DLG2: variants seen among roughly 807,000 people sequenced by gnomAD.
The protein encoded by DLG2 is discs large MAGUK scaffold protein 2.
DLG2 carries 45 observed loss-of-function variants against 132.5 expected under a neutral mutation model. The observed-to-expected ratio is 0.34, with a 90% CI of 0.27 to 0.44. The LOEUF (loss-of-function observed/expected upper bound fraction) is 0.44, where lower values mean the gene tolerates loss of function less well. Ranked by LOEUF, DLG2 falls within the 20% of genes least tolerant of loss-of-function variation. The pLI is 1.00. For synonymous variants in DLG2, 424 were observed against 419.6 expected (o/e 1.01, Z -0.13); for missense variants, 1,045 against 1,196.9 (o/e 0.87, Z 1.87).
chr11:85,495,800 T>C (rs921684133), intron 3 of DLG2, among the ~76,000 whole-genome samples: 2 of 151,968 alleles, frequency 1.3e-5, no homozygotes, highest in African/African-American at 4.9e-5. Flanking sequence ...CAAAGTATTA[T>C]AAATCATTCT....
chr11:84,417,059 T>C (rs1215547906), intron 7 of DLG2, among the ~76,000 whole-genome samples: 3 of 152,190 alleles, frequency 2.0e-5, no homozygotes, highest in East Asian at 3.9e-4. Flanking sequence ...ATTCCATGAT[T>C]AGGCAGCTAG....
At chr11:84,726,299 G>C (rs1045316932) in intron 6 of DLG2, among the ~76,000 whole-genome samples, 1 of 152,038 alleles carries the variant, frequency 6.6e-6, no homozygotes, top group African/African-American at 2.4e-5. Context: ...GGTGTGTGAT[G>C]TTCCCCTCCC....
At chr11:84,301,859 A>G (rs2098159275) in intron 7 of DLG2, among the ~76,000 whole-genome samples, 1 of 152,080 alleles carries the variant, frequency 6.6e-6, no homozygotes, top group Non-Finnish European at 1.5e-5. Context: ...TATATACCCA[A>G]AGGATTATAG....
At chr11:84,510,180 C>G (rs1485496674) in intron 7 of DLG2, among the ~76,000 whole-genome samples, 1 of 151,034 alleles carries the variant, frequency 6.6e-6, no homozygotes, top group Admixed American at 6.6e-5. Flanking sequence ...AGTTGCCATT[C>G]TGGAAGTCAA....
At chr11:84,401,993 G>C (rs1346565174) in intron 7 of DLG2, among the ~76,000 whole-genome samples, 1 of 152,184 alleles carries the variant, frequency 6.6e-6, no homozygotes, top group African/African-American at 2.4e-5. Context: ...TTTCTAAGGA[G>C]TAACCTATAC....
At chr11:83,935,167 G>T (rs902161252) in intron 14 of DLG2, among the ~76,000 whole-genome samples, 1 of 152,150 alleles carries the variant, frequency 6.6e-6, no homozygotes, top group African/African-American at 2.4e-5. Flanking sequence ...CAGCTGGGAC[G>T]TCAAGGGCTC....
chr11:84,447,511 T>G (rs1014961610), intron 7 of DLG2, among the ~76,000 whole-genome samples: 5 of 152,210 alleles, frequency 3.3e-5, no homozygotes, highest in Admixed American at 2.0e-4. Flanking sequence ...TCCCCTTTTA[T>G]GCCATTAGCA....
chr11:85,376,297 G>A (rs1486532207), intron 3 of DLG2, among the ~76,000 whole-genome samples: 1 of 151,992 alleles, frequency 6.6e-6, no homozygotes, highest in Non-Finnish European at 1.5e-5. Flanking sequence ...TTTGGGCCTT[G>A]AAAAAATAAA....
intron 6 of DLG2, among the ~76,000 whole-genome samples, chr11:85,029,441 T>C (rs1040379011): frequency 3.9e-5 from 6 of 152,232 alleles, no homozygotes; most frequent in South Asian, 2.1e-4. Context: ...TAAGGTGTTA[T>C]CTGGGTGCTA....
chr11:85,228,680 T>C (rs1001023028), intron 4 of DLG2, among the ~76,000 whole-genome samples: 2 of 151,970 alleles, frequency 1.3e-5, no homozygotes, highest in African/African-American at 4.8e-5. Context: ...ACATAGCTTA[T>C]CCTTTTTTAT....
At chr11:85,179,543 G>C (rs2079550752) in intron 4 of DLG2, among the ~76,000 whole-genome samples, 1 of 151,592 alleles carries the variant, frequency 6.6e-6, no homozygotes, top group Non-Finnish European at 1.5e-5. Context: ...AGATTATTAT[G>C]TATGCCAAAA....
intron 6 of DLG2, among the ~76,000 whole-genome samples, chr11:84,915,812 AT>A (rs1452212835): frequency 6.6e-6 from 1 of 152,170 alleles, no homozygotes; most frequent in Non-Finnish European, 1.5e-5. Context: ...GCTAACATTC[AT>A]TCATTCAGTC....
chr11:83,876,965 C>T (rs573830499), intron 15 of DLG2, among the ~76,000 whole-genome samples: 11 of 152,130 alleles, frequency 7.2e-5, no homozygotes, highest in Admixed American at 3.3e-4. Context: ...GTGATGTTTA[C>T]GGCTTTAATA....
chr11:83,607,498 C>T (rs1003976008), intron 19 of DLG2, among the ~76,000 whole-genome samples: 12 of 152,154 alleles, frequency 7.9e-5, no homozygotes, highest in African/African-American at 2.9e-4. Context: ...CGTCCATCCA[C>T]GACAGAGTCT....
chr11:84,676,162 A>C (rs899731315), intron 6 of DLG2, among the ~76,000 whole-genome samples: 1 of 152,100 alleles, frequency 6.6e-6, no homozygotes, highest in Non-Finnish European at 1.5e-5. Context: ...TATTAAGCAT[A>C]ACAAATAATA....
intron 6 of DLG2, among the ~76,000 whole-genome samples, chr11:84,703,331 A>T (rs2059401292): frequency 6.6e-6 from 1 of 151,604 alleles, no homozygotes; most frequent in Non-Finnish European, 1.5e-5. Flanking sequence ...TCTCTGAAGA[A>T]AACCCTGAGA....
At chr11:83,553,482 CCG>C (rs1491404945) in intron 19 of DLG2, among the ~76,000 whole-genome samples, 2 of 91,104 alleles carry the variant, frequency 2.2e-5, no homozygotes, top group African/African-American at 5.5e-5. Context: ...GAAGTAAGCA[CCG>C]TGTGTGTGTG....
At chr11:85,181,329 A>T (rs2079685861) in intron 4 of DLG2, among the ~76,000 whole-genome samples, 1 of 151,732 alleles carries the variant, frequency 6.6e-6, no homozygotes, top group Non-Finnish European at 1.5e-5. Flanking sequence ...TTTGTGTTAC[A>T]AACAATCCAC....
At chr11:84,393,219 C>T (rs946399137) in intron 7 of DLG2, among the ~76,000 whole-genome samples, 2 of 151,906 alleles carry the variant, frequency 1.3e-5, no homozygotes, top group Admixed American at 1.3e-4. Flanking sequence ...TAACACAAAA[C>T]ATGAAGAAAA....
Sources: allele counts gnomAD v4.1 joint callset (sites outside exome capture counted in the v4.1 genomes callset), GRCh38; gene constraint gnomAD v4.1.1; transcripts MANE v1.5; gene names NCBI Gene and HGNC (gene_info 2026-07-23, HGNC 2026-07-21).